Variants in VEPH1 observed in about 807,000 individuals in gnomAD.
The protein encoded by VEPH1 is ventricular zone-expressed PH domain-containing protein homolog 1.
VEPH1 carries 80 observed loss-of-function variants against 85.2 expected under a neutral mutation model. That is an observed-to-expected ratio of 0.94 (90% CI 0.78 to 1.13). The LOEUF (loss-of-function observed/expected upper bound fraction) is 1.13. VEPH1 is among the 50% of genes most tolerant of loss of function. The pLI, the probability that VEPH1 is intolerant of heterozygous loss-of-function variation, is 0.00. For synonymous variants in VEPH1, 297 were observed against 348.0 expected (o/e 0.85, Z 1.63); for missense variants, 955 against 980.5 (o/e 0.97, Z 0.35).
intron 9 of VEPH1, among the ~76,000 whole-genome samples, chr3:157,344,548 A>G (rs1723976276): frequency 6.6e-6 from 1 of 152,230 alleles, no homozygotes; most frequent in Non-Finnish European, 1.5e-5. Context: ...CAAATGGAAC[A>G]TTCCATGCTC....
chr3:157,331,453 G>A (rs1323025040), intron 9 of VEPH1, among the ~76,000 whole-genome samples: 3 of 152,190 alleles, frequency 2.0e-5, no homozygotes, highest in Non-Finnish European at 4.4e-5. Flanking sequence ...TGCATGCCTT[G>A]TGGCCAAGAC....
intron 5 of VEPH1, among the ~76,000 whole-genome samples, chr3:157,414,913 G>C (rs2109039432): frequency 6.6e-6 from 1 of 152,078 alleles, no homozygotes; most frequent in Admixed American, 6.6e-5. Flanking sequence ...TTATTGATTT[G>C]TCATTTTTTG....
At chr3:157,391,937 TAAA>T (rs1729895521) in intron 6 of VEPH1, among the ~76,000 whole-genome samples, 2 of 151,312 alleles carry the variant, frequency 1.3e-5, no homozygotes, top group African/African-American at 4.9e-5. Flanking sequence ...TTAGCACTCT[TAAA>T]GAAAAGAAAT....
chr3:157,434,892 TA>T (rs1240618210), intron 4 of VEPH1, among the ~76,000 whole-genome samples: 1 of 152,210 alleles, frequency 6.6e-6, no homozygotes, highest in African/African-American at 2.4e-5. Context: ...CAAAATTAAT[TA>T]ATTTCTTTTT....
intron 2 of VEPH1, among the ~76,000 whole-genome samples, chr3:157,485,777 C>T (rs535752394): frequency 6.6e-6 from 1 of 151,904 alleles, no homozygotes; most frequent in South Asian, 2.1e-4. Flanking sequence ...ACATTAAAGT[C>T]ATCATGACAT....
At chr3:157,315,626 A>C (rs1720664296) in intron 10 of VEPH1, among the ~76,000 whole-genome samples, 1 of 152,090 alleles carries the variant, frequency 6.6e-6, no homozygotes. Flanking sequence ...GCAGAAAATG[A>C]CACAATATCA....
At chr3:157,494,926 A>G (rs1478748352) in intron 2 of VEPH1, among the ~76,000 whole-genome samples, 1 of 152,152 alleles carries the variant, frequency 6.6e-6, no homozygotes, top group Non-Finnish European at 1.5e-5. Flanking sequence ...GGACATAAAA[A>G]TAGCCCCTAA....
At chr3:157,456,826 C>G (rs1448108276) in intron 4 of VEPH1, among the ~76,000 whole-genome samples, 2 of 152,058 alleles carry the variant, frequency 1.3e-5, no homozygotes, top group African/African-American at 4.8e-5. Flanking sequence ...CAGGTTTGTT[C>G]TTTTTGCTTA....
chr3:157,501,468 G>A (rs977678290), intron 1 of VEPH1, among the ~76,000 whole-genome samples: 8 of 152,156 alleles, frequency 5.3e-5, no homozygotes, highest in African/African-American at 1.9e-4. Flanking sequence ...TCCTTCCCGT[G>A]TTTATTAGTG....
intron 1 of VEPH1, among the ~76,000 whole-genome samples, chr3:157,500,295 G>A (rs1293479818): frequency 6.6e-6 from 1 of 152,184 alleles, no homozygotes; most frequent in Admixed American, 6.5e-5. Context: ...CCCCTAAGTC[G>A]TCTGTTCCTG....
chr3:157,499,854 G>T (rs1476498761), intron 1 of VEPH1, among the ~76,000 whole-genome samples: 1 of 152,134 alleles, frequency 6.6e-6, no homozygotes, highest in South Asian at 2.1e-4. Flanking sequence ...CAGAGCTCCA[G>T]GGGAGGAGAA....
chr3:157,378,814 C>T (rs1359793527), intron 7 of VEPH1, among the ~76,000 whole-genome samples: 5 of 152,116 alleles, frequency 3.3e-5, no homozygotes, highest in African/African-American at 9.7e-5. Context: ...CATTTCTATG[C>T]GGTCATTCAA....
chr3:157,369,193 A>ACAAAAAAAAAAAAAC (rs1417067119), intron 7 of VEPH1, among the ~76,000 whole-genome samples: 3 of 140,572 alleles, frequency 2.1e-5, no homozygotes, highest in Non-Finnish European at 3.1e-5. Context: ...AAAAAAAAAA[A>ACAAAAAAAAAAAAAC]AAAAAAAAAA....
chr3:157,315,670 A>T (rs934147429), intron 10 of VEPH1: 8 of 152,062 alleles, frequency 5.3e-5, no homozygotes, highest in Non-Finnish European at 1.0e-4. Context: ...CATTACCGTA[A>T]AATGAACACA....
intron 9 of VEPH1, among the ~76,000 whole-genome samples, chr3:157,358,612 C>T (rs527415188): frequency 6.6e-6 from 1 of 152,312 alleles, no homozygotes; most frequent in South Asian, 2.1e-4. Flanking sequence ...GAGCACCCCA[C>T]AGTCACACCA....
chr3:157,363,646 G>A lies in VEPH1; in HGVS notation c.1453C>T (p.Leu485Phe). 6.2e-7 allele frequency: 1 copy of A among 1,614,076 alleles called. No homozygotes were observed. ...GGCAGCTTGTCATTTCCTTGGCCAA[G>A]TGGGTCTATTTCTGAAAGAGAGATG... ...ASISLSEIDP[L>F]GQGNDKLPFK... Residue 485 changes from leucine to phenylalanine, a missense_variant, in exon 9 of 14, where the codon CTT becomes TTT. Physicochemically the swap from Leu to Phe is conservative, Grantham distance 22. Coordinates refer to ENST00000362010, the MANE Select transcript of VEPH1 (RefSeq NM_001167912.2).
At chr3:157,268,251 C>CA (rs1714019614) in intron 12 of VEPH1, among the ~76,000 whole-genome samples, 1 of 152,078 alleles carries the variant, frequency 6.6e-6, no homozygotes, top group African/African-American at 2.4e-5. Flanking sequence ...TTATGCGTTC[C>CA]TTGAGATCAG....
chr3:157,470,515 A>G lies in VEPH1; in HGVS notation c.153T>C (p.Asn51=), dbSNP rs1325253741. 26 of 1,614,008 alleles carry G rather than the reference A, an allele frequency of 1.6e-5. No homozygotes were observed. The highest frequency in any genetic ancestry group is 2.1e-5 in the Non-Finnish European group (25 of 1,180,010). Residue 51 remains asparagine (N), a synonymous_variant, in exon 3 of 14, where the codon AAT becomes AAC. Coordinates refer to ENST00000362010, the MANE Select transcript of VEPH1 (RefSeq NM_001167912.2). ...IISSSSDYQT[N]NNDQAVVEIC... is the part of the protein sequence containing the mutation. ...TTTCAACTACTGCCTGGTCATTGTT[A>G]TTGGTTTGGTAATCCTGTTTGGAAA... is the stretch of plus-strand genomic sequence containing the variant.
At chr3:157,377,559 G>A (rs1267215270) in intron 7 of VEPH1, among the ~76,000 whole-genome samples, 1 of 151,978 alleles carries the variant, frequency 6.6e-6, no homozygotes, top group Non-Finnish European at 1.5e-5. Context: ...GAGAGACTAG[G>A]TGGAGGTAAT....
Sources: allele counts gnomAD v4.1 joint callset (sites outside exome capture counted in the v4.1 genomes callset), GRCh38; gene constraint gnomAD v4.1.1; transcripts MANE v1.5; gene names NCBI Gene and HGNC (gene_info 2026-07-23, HGNC 2026-07-21).